The following ANK2 variants were observed in gnomAD, a reference collection of about 807,000 sequenced individuals.
The protein encoded by ANK2 is ankyrin 2.
Under a neutral mutation model 360.5 loss-of-function variants are expected in ANK2, and 83 were observed. The ratio of observed to expected loss-of-function variants is 0.23; its 90% CI spans 0.19 to 0.28. The LOEUF is 0.28. Among genes scored for constraint, ANK2 ranks in the 10% least tolerant of loss-of-function variants. The pLI, the probability that ANK2 is intolerant of heterozygous loss-of-function variation, is 1.00. For missense variants in ANK2, 4,201 were observed against 4,795.7 expected (o/e 0.88, Z 3.66); for synonymous variants, 1,740 against 1,759.5 (o/e 0.99, Z 0.28).
At chr4:113,183,568 TG>T in intron 2 of ANK2, among the ~76,000 whole-genome samples, 1 of 152,232 alleles carries the variant, frequency 6.6e-6, no homozygotes, top group South Asian at 2.1e-4. Flanking sequence ...AGGAGATAAG[TG>T]GGCACCGTGA....
intron 2 of ANK2, among the ~76,000 whole-genome samples, chr4:112,948,287 G>GTA (rs2154251084): frequency 6.6e-6 from 1 of 152,222 alleles, no homozygotes; most frequent in Non-Finnish European, 1.5e-5. Context: ...GAAGCCATAT[G>GTA]TATATATATG....
the ANK2 span, among the ~76,000 whole-genome samples, chr4:112,762,526 A>G: frequency 6.6e-6 from 1 of 152,124 alleles, no homozygotes; most frequent in Non-Finnish European, 1.5e-5. Context: ...TGTTGTTGTT[A>G]TTTTAGACAG....
chr4:113,021,025 A>G (rs561058442), intron 2 of ANK2, among the ~76,000 whole-genome samples: 2 of 152,306 alleles, frequency 1.3e-5, no homozygotes, highest in Admixed American at 6.5e-5. Flanking sequence ...GGCAGGGGCT[A>G]TAGCATTAAT....
chr4:113,252,164 A>G (rs2046816812), intron 10 of ANK2, among the ~76,000 whole-genome samples: 2 of 152,174 alleles, frequency 1.3e-5, no homozygotes, highest in Admixed American at 1.3e-4. Flanking sequence ...AGAGAAGAAA[A>G]TGAAAACCCA....
chr4:113,274,403 T>G (rs1238384323), intron 14 of ANK2, 49 bp from the exon 15 acceptor site: 4 of 1,574,844 alleles, frequency 2.5e-6, no homozygotes, highest in Non-Finnish European at 3.5e-6. Flanking sequence ...ATATCACCAG[T>G]GAAGTTCTGT....
chr4:113,213,945 T>C, intron 4 of ANK2: 2 of 576,202 alleles, frequency 3.5e-6, no homozygotes, highest in Non-Finnish European at 5.6e-6. Context: ...GACAAAATGC[T>C]GTTTTATTTA....
the ANK2 span, among the ~76,000 whole-genome samples, chr4:112,783,210 A>C: frequency 1.3e-5 from 2 of 152,176 alleles, no homozygotes; most frequent in African/African-American, 4.8e-5. Context: ...CGCCTGGCCT[A>C]AATAGCTTTT....
In ANK2 at chr4:112,964,521, T is replaced by C. The variant is rs1380967132; in HGVS notation, c.21+60007T>C. 1.3e-5 allele frequency among the ~76,000 whole-genome samples: 2 copies of C among 152,096 alleles called. 1 individual carries two copies. Among genetic ancestry groups the C allele is most frequent in the East Asian group, 3.9e-4 (2 of 5,192 alleles). ...AATGACTGAATCTCATTCTTTTTTA[T>C]GGCTGCGTAGTACTCCTTTTTGTAT... On this transcript the variant is annotated intron_variant, in intron 2 of 30. Transcript: ENST00000503271.
chr4:112,768,280 G>T, the ANK2 span, among the ~76,000 whole-genome samples: 1 of 151,710 alleles, frequency 6.6e-6, no homozygotes, highest in Non-Finnish European at 1.5e-5. Flanking sequence ...TTGAGATAAG[G>T]TCTCACTCTG....
the ANK2 span, among the ~76,000 whole-genome samples, chr4:112,710,902 T>G: frequency 1.8e-5 from 2 of 112,114 alleles, no homozygotes; most frequent in African/African-American, 8.4e-5. Flanking sequence ...TTGAACAGGT[T>G]TTATATATAT....
intron 1 of ANK2, among the ~76,000 whole-genome samples, chr4:113,061,494 T>G (rs2073340671): frequency 6.6e-6 from 1 of 152,214 alleles, no homozygotes; most frequent in Non-Finnish European, 1.5e-5. Context: ...AATTAATTTT[T>G]CGTTTCAAAA....
intron 9 of ANK2, among the ~76,000 whole-genome samples, chr4:113,245,680 G>A (rs1181571584): frequency 2.0e-5 from 3 of 152,020 alleles, no homozygotes; most frequent in Non-Finnish European, 2.9e-5. Context: ...TAGGGATTAC[G>A]GGAAATAGAA....
rs1564001125 is a variant in ANK2, at chr4:113,354,394, C to A, written c.5776C>A (p.Pro1926Thr). 2.5e-6 allele frequency: 4 copies of A among 1,614,038 alleles called. No homozygotes were observed. The highest frequency in any genetic ancestry group is 3.4e-6 in the Non-Finnish European group (4 of 1,179,954). Residue 1926 changes from proline (P) to threonine (T), a missense_variant, in exon 38 of 46, where the codon CCG becomes ACG. By Grantham distance (38) the Pro-to-Thr change is conservative (BLOSUM62 -1). Transcript: ENST00000357077. ...GCCCTCCGGGAGGACAGAAAAACAC[C>A]CGCCAGTATCGCCTGGGAGAACAGA... is the stretch of plus-strand genomic sequence containing the variant. ...VSPSGRTEKH[P>T]PVSPGRTEKR... is the part of the protein sequence containing the mutation.
chr4:112,890,544 T>A (rs536044293), intron 1 of ANK2, among the ~76,000 whole-genome samples: 1 of 148,560 alleles, frequency 6.7e-6, no homozygotes, highest in Non-Finnish European at 1.5e-5. Context: ...ATTTATGATA[T>A]ACATTTCTGT....
intron 1 of ANK2, among the ~76,000 whole-genome samples, chr4:113,102,211 A>G (rs2154360358): frequency 6.6e-6 from 1 of 152,202 alleles, no homozygotes; most frequent in Admixed American, 6.6e-5. Flanking sequence ...GGGATGAAAA[A>G]AAAGTGTACA....
At chr4:112,835,325 A>C (rs1276775302) in intron 1 of ANK2, among the ~76,000 whole-genome samples, 2 of 152,214 alleles carry the variant, frequency 1.3e-5, no homozygotes, top group Admixed American at 6.5e-5. Flanking sequence ...TAACAACCAC[A>C]TAGCATTTTA....
chr4:113,228,952 G>C (rs896086970), intron 4 of ANK2, among the ~76,000 whole-genome samples: 5 of 152,160 alleles, frequency 3.3e-5, no homozygotes, highest in African/African-American at 1.2e-4. Context: ...ACTGTGATGA[G>C]GGCAATGCCA....
chr4:113,348,824 C>T (rs1376338063), intron 36 of ANK2, among the ~76,000 whole-genome samples: 1 of 152,038 alleles, frequency 6.6e-6, no homozygotes, highest in African/African-American at 2.4e-5. Context: ...CTAGCATTTT[C>T]TCAGCCTTCA....
chr4:113,215,509 C>A (rs1269511085), intron 4 of ANK2, among the ~76,000 whole-genome samples: 3 of 152,078 alleles, frequency 2.0e-5, no homozygotes, highest in African/African-American at 7.2e-5. Flanking sequence ...TCCATTGAGA[C>A]TGAGAGATTA....
Sources: gnomAD v4.1 joint callset for allele counts (sites outside exome capture counted in the v4.1 genomes callset) on GRCh38, gnomAD v4.1.1 for gene constraint, MANE v1.5 for transcripts, NCBI Gene and HGNC (gene_info 2026-07-23, HGNC 2026-07-21) for gene names.